The following EPHB1 variants were observed in gnomAD, a reference collection of about 807,000 sequenced individuals.
The protein encoded by EPHB1 is EPH receptor B1, also known as ephrin type-B receptor 1.
In EPHB1, 30 loss-of-function variants were observed where a neutral mutation model predicts 94.4. The ratio of observed to expected loss-of-function variants is 0.32; its 90% CI spans 0.24 to 0.43. The LOEUF is 0.43. Among genes scored for constraint, EPHB1 ranks in the 20% least tolerant of loss-of-function variants. The pLI, the probability that EPHB1 is intolerant of heterozygous loss-of-function variation, is 1.00. For missense variants in EPHB1, 1,055 were observed against 1,308.3 expected (o/e 0.81, Z 2.99); for synonymous variants, 522 against 489.1 (o/e 1.07, Z -0.89).
intron 1 of EPHB1, among the ~76,000 whole-genome samples, chr3:134,806,159 G>A (rs573489268): frequency 6.6e-5 from 10 of 152,316 alleles, no homozygotes; most frequent in African/African-American, 2.2e-4. Flanking sequence ...CTATCAAAAT[G>A]TGGAGGCTCA....
At chr3:135,053,208 T>C (rs1937244500) in intron 3 of EPHB1, among the ~76,000 whole-genome samples, 1 of 151,112 alleles carries the variant, frequency 6.6e-6, no homozygotes, top group African/African-American at 2.4e-5. Context: ...TCTCAACACG[T>C]AGAAATGATA....
intron 15 of EPHB1, among the ~76,000 whole-genome samples, chr3:135,255,689 A>T (rs572779303): frequency 2.0e-5 from 3 of 151,358 alleles, no homozygotes; most frequent in Admixed American, 6.6e-5. Context: ...AAAAGTGTTT[A>T]TTCTGTTGAC....
chr3:135,039,032 C>A (rs987950966), intron 3 of EPHB1, among the ~76,000 whole-genome samples: 6 of 152,042 alleles, frequency 3.9e-5, no homozygotes, highest in East Asian at 3.9e-4. Context: ...TACAGAGTTT[C>A]GACACACAGG....
chr3:134,890,904 T>A (rs546251083), intron 1 of EPHB1, among the ~76,000 whole-genome samples: 13 of 152,330 alleles, frequency 8.5e-5, no homozygotes, highest in Non-Finnish European at 1.8e-4. Context: ...TATATATGAC[T>A]TTAATAGCCT....
At chr3:134,897,227 C>T (rs553183414) in intron 1 of EPHB1, among the ~76,000 whole-genome samples, 1 of 152,294 alleles carries the variant, frequency 6.6e-6, no homozygotes, top group South Asian at 2.1e-4. Flanking sequence ...GCCTGGGGGG[C>T]CTTGAATGGC....
At chr3:135,176,401 C>T (rs1382972340) in intron 9 of EPHB1, among the ~76,000 whole-genome samples, 1 of 152,162 alleles carries the variant, frequency 6.6e-6, no homozygotes, top group African/African-American at 2.4e-5. Context: ...TAGATGCAGC[C>T]ATTAAGATGT....
At chr3:135,004,057 T>C (rs558902421) in intron 3 of EPHB1, among the ~76,000 whole-genome samples, 6 of 152,176 alleles carry the variant, frequency 3.9e-5, no homozygotes, top group South Asian at 4.1e-4. Flanking sequence ...CTAGTCTCGA[T>C]GGTCTTTTCA....
At position 135,129,971 on chromosome 3, in the gene EPHB1, A is replaced by T. The variant is rs145213102; in HGVS notation, c.962-2743A>T. Among the ~76,000 whole-genome samples, 185 of 152,238 alleles carry T rather than the reference A, an allele frequency of 1.2e-3. 4 individuals carry two copies. The East Asian group carries it at 0.031, about 26-fold the overall frequency. On this transcript the variant is annotated intron_variant, in intron 4 of 15. Transcript: ENST00000398015. ...CAGGGATGAGATCAAGAAAAGCAAG[A>T]TCCCACGGGGGCTTGAATGACATGG...
intron 2 of EPHB1, among the ~76,000 whole-genome samples, chr3:134,936,189 G>C (rs1328198994): frequency 6.6e-6 from 1 of 152,180 alleles, no homozygotes; most frequent in African/African-American, 2.4e-5. Context: ...AAAGAAAAAG[G>C]GTAGCTTTTT....
intron 1 of EPHB1, among the ~76,000 whole-genome samples, chr3:134,877,493 T>C (rs370888734): frequency 5.9e-5 from 9 of 152,182 alleles, no homozygotes; most frequent in African/African-American, 2.2e-4. Context: ...AACCAGTTGC[T>C]GCTGGGTGGT....
At chr3:135,155,149 T>C (rs1410346447) in intron 6 of EPHB1, among the ~76,000 whole-genome samples, 8 of 151,832 alleles carry the variant, frequency 5.3e-5, no homozygotes, top group Non-Finnish European at 1.0e-4. Context: ...ACATAACACA[T>C]AAGAAAATCA....
intron 12 of EPHB1, among the ~76,000 whole-genome samples, chr3:135,208,364 G>T (rs145332677): frequency 1.3e-5 from 2 of 151,528 alleles, no homozygotes; most frequent in South Asian, 2.1e-4. Flanking sequence ...AGATGCACAC[G>T]TGTGGCCCGA....
At chr3:134,842,607 C>T (rs371838992) in intron 1 of EPHB1, among the ~76,000 whole-genome samples, 16 of 152,322 alleles carry the variant, frequency 1.1e-4, no homozygotes, top group African/African-American at 2.4e-4. Flanking sequence ...CTTGGCTTTC[C>T]GTGGGCCTCC....
chr3:135,250,757 A>C (rs985962662), intron 15 of EPHB1, among the ~76,000 whole-genome samples: 1 of 152,136 alleles, frequency 6.6e-6, no homozygotes, highest in African/African-American at 2.4e-5. Flanking sequence ...CGTGGGCTAC[A>C]ACATGTACCG....
In EPHB1 at chr3:135,082,178, C is replaced by T. The variant is rs541296404; in HGVS notation, c.806-24270C>T. Among the ~76,000 whole-genome samples, 117 of 152,250 alleles carry T rather than the reference C, an allele frequency of 7.7e-4. 1 individual carries two copies. The South Asian group carries it at 0.014, about 19-fold the overall frequency. ...ATGTTCCGTGGGAGAACTGCAGGGG[C>T]ACCACGGACAGACATGAGAGACAAA... On this transcript the variant is annotated intron_variant, in intron 3 of 15. Coordinates refer to ENST00000398015, the MANE Select transcript of EPHB1 (RefSeq NM_004441.5).
chr3:135,254,645 T>A (rs1394321926), intron 15 of EPHB1, among the ~76,000 whole-genome samples: 5 of 151,946 alleles, frequency 3.3e-5, no homozygotes, highest in Admixed American at 3.3e-4. Flanking sequence ...TTAGCATCAA[T>A]GTTCATCAGG....
At chr3:134,893,251 G>A (rs1055581707) in intron 1 of EPHB1, among the ~76,000 whole-genome samples, 1 of 152,030 alleles carries the variant, frequency 6.6e-6, no homozygotes, top group Non-Finnish European at 1.5e-5. Context: ...GTTTGCATCT[G>A]GAATGCTCCT....
At chr3:135,175,089 A>G (rs1941937790) in intron 9 of EPHB1, among the ~76,000 whole-genome samples, 1 of 152,160 alleles carries the variant, frequency 6.6e-6, no homozygotes. Context: ...CTCTCCCTCC[A>G]GCTTTCAATC....
chr3:134,987,842 G>A (rs1189425936), intron 3 of EPHB1, among the ~76,000 whole-genome samples: 4 of 152,074 alleles, frequency 2.6e-5, no homozygotes, highest in African/African-American at 9.7e-5. Context: ...AACCAAGGAC[G>A]GAGGCTTCAC....
Sources: gnomAD v4.1 joint callset for allele counts (sites outside exome capture counted in the v4.1 genomes callset) on GRCh38, gnomAD v4.1.1 for gene constraint, MANE v1.5 for transcripts, NCBI Gene and HGNC (gene_info 2026-07-23, HGNC 2026-07-21) for gene names.